Variants in CD8B2 observed in about 807,000 individuals in gnomAD.
CD8B2 encodes the protein CD8B family member 2, also known as T-cell surface glycoprotein CD8 beta-2 chain.
CD8B2 carries 11 observed loss-of-function variants against 23.7 expected under a neutral mutation model. The observed-to-expected ratio is 0.46, with a 90% CI of 0.29 to 0.77. The LOEUF is 0.77. CD8B2 is among the 30% of genes least tolerant of loss of function. CD8B2 has a pLI of 0.09. For synonymous variants in CD8B2, 90 were observed against 109.3 expected, an observed-to-expected ratio of 0.82 and a Z score of 1.10; for missense variants, 197 against 270.5, an observed-to-expected ratio of 0.73 and a Z score of 1.91.
At chr2:106,520,064 G>A (rs1338138184) in intron 5 of CD8B2, among the ~76,000 whole-genome samples, 1 of 152,186 alleles carries the variant, frequency 6.6e-6, no homozygotes, top group Non-Finnish European at 1.5e-5. Flanking sequence ...ATCACCCCAG[G>A]ACAGTGTAGA....
chr2:106,490,244 A>G (rs951967865), intron 1 of CD8B2, among the ~76,000 whole-genome samples: 28 of 152,072 alleles, frequency 1.8e-4, no homozygotes, highest in African/African-American at 6.3e-4. Context: ...GTGAAAGGCA[A>G]CCAGTTTTGG....
chr2:106,535,410 G>A (rs1337981116), intron 5 of CD8B2: 2 of 128,582 alleles, frequency 1.6e-5, no homozygotes, highest in Non-Finnish European at 3.2e-5. Context: ...TAGAGTTAAG[G>A]CTAAACAGAA....
At chr2:106,542,088 C>T (rs906837424) in intron 5 of CD8B2, among the ~76,000 whole-genome samples, 1 of 152,254 alleles carries the variant, frequency 6.6e-6, no homozygotes, top group Non-Finnish European at 1.5e-5. Context: ...ACGCCACTTG[C>T]CACTTTAACT....
intron 5 of CD8B2, among the ~76,000 whole-genome samples, chr2:106,526,693 C>T (rs1679912120): frequency 6.6e-6 from 1 of 152,116 alleles, no homozygotes; most frequent in Non-Finnish European, 1.5e-5. Flanking sequence ...TCTTGTTGCC[C>T]AGGCTGGAGT....
chr2:106,499,135 A>G (rs1383402296), intron 3 of CD8B2, among the ~76,000 whole-genome samples: 2 of 152,092 alleles, frequency 1.3e-5, no homozygotes, highest in African/African-American at 4.8e-5. Context: ...CTGTAGCTAC[A>G]TTGCTGGCCT....
intron 5 of CD8B2, chr2:106,543,891 T>TTTG (rs5833192): frequency 0.99 from 394,707 of 397,328 alleles, 196,105 homozygotes; most frequent in East Asian, 1. Flanking sequence ...TTTCTGTGGA[T>TTTG]TTGTGCTTAT....
chr2:106,504,079 A>T (rs1298868379), intron 4 of CD8B2, among the ~76,000 whole-genome samples: 2 of 152,190 alleles, frequency 1.3e-5, no homozygotes, highest in Non-Finnish European at 2.9e-5. Context: ...TTTCCCACAT[A>T]TAAAATGGAG....
chr2:106,497,204 T>C (rs1558876195), intron 3 of CD8B2, among the ~76,000 whole-genome samples: 1 of 151,718 alleles, frequency 6.6e-6, no homozygotes, highest in African/African-American at 2.4e-5. Flanking sequence ...GCCTGGGAGG[T>C]GGAGATTGAA....
chr2:106,527,632 A>G (rs527279357), intron 5 of CD8B2, among the ~76,000 whole-genome samples: 1 of 152,264 alleles, frequency 6.6e-6, no homozygotes, highest in Admixed American at 6.5e-5. Context: ...AAAATACAAA[A>G]AAATTAGCTG....
At chr2:106,505,639 AT>A (rs369618022) in intron 5 of CD8B2, among the ~76,000 whole-genome samples, 157 of 152,332 alleles carry the variant, frequency 1.0e-3, no homozygotes, top group African/African-American at 3.7e-3. Flanking sequence ...ATAAATTCAT[AT>A]TACTATATGC....
intron 5 of CD8B2, among the ~76,000 whole-genome samples, chr2:106,525,519 G>A (rs909140124): frequency 4.6e-5 from 7 of 152,080 alleles, no homozygotes; most frequent in African/African-American, 1.4e-4. Context: ...ACAGTTCATG[G>A]CATTTAGTGC....
chr2:106,502,255 A>T (rs1304699069), intron 3 of CD8B2, among the ~76,000 whole-genome samples: 1 of 138,054 alleles, frequency 7.2e-6, no homozygotes, highest in Non-Finnish European at 1.5e-5. Flanking sequence ...AGAATGCACC[A>T]CTGCACTCCG....
chr2:106,500,443 C>A (rs1573333541), intron 3 of CD8B2, among the ~76,000 whole-genome samples: 1 of 150,532 alleles, frequency 6.6e-6, no homozygotes, highest in Admixed American at 6.7e-5. Context: ...CGCTTGAACC[C>A]AGGAGGCAGA....
intron 3 of CD8B2, among the ~76,000 whole-genome samples, chr2:106,499,198 T>C (rs1679353203): frequency 1.3e-5 from 2 of 152,098 alleles, no homozygotes; most frequent in Non-Finnish European, 2.9e-5. Context: ...TGCCGCCCTG[T>C]ACATCCCTGC....
At chr2:106,516,072 C>T (rs978204761), downstream of CD8B2, among the ~76,000 whole-genome samples, 2 of 152,106 alleles carry the variant, frequency 1.3e-5, no homozygotes, top group African/African-American at 2.4e-5. Flanking sequence ...TCAGGTAATC[C>T]ACCCGCCTTG....
intron 3 of CD8B2, among the ~76,000 whole-genome samples, chr2:106,499,166 A>G (rs1377533406): frequency 1.3e-5 from 2 of 151,830 alleles, no homozygotes; most frequent in African/African-American, 4.8e-5. Flanking sequence ...CTTAACCATG[A>G]CCTCTCCTCA....
intron 4 of CD8B2, among the ~76,000 whole-genome samples, chr2:106,503,748 A>G (rs1182110637): frequency 2.6e-4 from 39 of 152,246 alleles, no homozygotes; most frequent in South Asian, 4.1e-4. Flanking sequence ...AGCCTAGACA[A>G]CATAATAAGA....
chr2:106,513,374 T>A (rs1679673619), downstream of CD8B2, among the ~76,000 whole-genome samples: 2 of 152,076 alleles, frequency 1.3e-5, no homozygotes, highest in African/African-American at 4.8e-5. Flanking sequence ...CCTCAGTGCC[T>A]CACTGGCTGC....
intron 5 of CD8B2, among the ~76,000 whole-genome samples, chr2:106,540,123 A>C (rs952387769): frequency 6.6e-6 from 1 of 152,200 alleles, no homozygotes; most frequent in Non-Finnish European, 1.5e-5. Flanking sequence ...AGAATGAAAA[A>C]AGAAAATGAC....
Sources: allele counts gnomAD v4.1 joint callset (sites outside exome capture counted in the v4.1 genomes callset), GRCh38; gene constraint gnomAD v4.1.1; transcripts MANE v1.5; gene names NCBI Gene and HGNC (gene_info 2026-07-23, HGNC 2026-07-21).